The following LRRC34 variants were observed in gnomAD, a reference collection of about 807,000 sequenced individuals.
The protein encoded by LRRC34 is leucine rich repeat containing 34, also known as leucine-rich repeat-containing protein 34.
In LRRC34, 44 loss-of-function variants were observed where a neutral mutation model predicts 48.5. That is an observed-to-expected ratio of 0.91 (90% CI 0.71 to 1.17). The LOEUF is 1.17. Among genes scored for constraint, LRRC34 ranks in the 50% most tolerant of loss-of-function variants. The pLI, the probability that LRRC34 is intolerant of heterozygous loss-of-function variation, is 0.00. For missense variants in LRRC34, 502 were observed against 563.0 expected (o/e 0.89, Z 1.10); for synonymous variants, 192 against 197.6 (o/e 0.97, Z 0.24).
chr3:169,795,300 G>A (rs1289707455), intron 10 of LRRC34, 185 bp downstream of exon 10: 4 of 457,188 alleles, frequency 8.7e-6, no homozygotes, highest in Non-Finnish European at 1.5e-5. Context: ...CTAATACATA[G>A]TTTTAATATC....
chr3:169,804,650 C>G (rs1179727635), intron 5 of LRRC34, among the ~76,000 whole-genome samples: 1 of 152,168 alleles, frequency 6.6e-6, no homozygotes, highest in African/African-American at 2.4e-5. Context: ...AGATAAAAAT[C>G]TAGTTTAACA....
intron 1 of LRRC34, among the ~76,000 whole-genome samples, chr3:169,811,664 A>T (rs1779574707): frequency 6.6e-6 from 1 of 152,206 alleles, no homozygotes; most frequent in South Asian, 2.1e-4. Context: ...CCTCCAAAAC[A>T]TGCTTTTCTA....
intron 10 of LRRC34, 174 bp downstream of exon 10, chr3:169,795,311 T>A: frequency 2.0e-6 from 1 of 499,300 alleles, no homozygotes; most frequent in Non-Finnish European, 3.3e-6. Flanking sequence ...TTTTAATATC[T>A]TTGGTTATTT....
chr3:169,799,817 A>T lies in LRRC34; in HGVS notation c.753+842T>A, dbSNP rs550524944. On this transcript the variant is annotated intron_variant, in intron 7 of 10. Coordinates refer to ENST00000446859, the MANE Select transcript of LRRC34 (RefSeq NM_001172779.2). Reference sequence around the variant, plus strand: ...AACCTCTGCTTCCTGGGTTCAAGCGATTCTCCTGCCTCAGCCTCCCAAGTA... The same window carrying T: ...AACCTCTGCTTCCTGGGTTCAAGCGTTTCTCCTGCCTCAGCCTCCCAAGTA... Among the ~76,000 whole-genome samples, 5 of 152,154 alleles carry T rather than the reference A, an allele frequency of 3.3e-5. No homozygotes were observed. In the East Asian group the frequency reaches 7.8e-4, roughly 24 times the overall value.
intron 7 of LRRC34, among the ~76,000 whole-genome samples, chr3:169,800,042 TA>T (rs1026381255): frequency 1.3e-5 from 2 of 152,258 alleles, no homozygotes; most frequent in African/African-American, 2.4e-5. Flanking sequence ...TTGAACTTTA[TA>T]AAGTGCTTTG....
intron 5 of LRRC34, 47 bp from the exon 6 acceptor site, chr3:169,804,228 T>A: frequency 6.8e-7 from 1 of 1,461,246 alleles, no homozygotes; most frequent in South Asian, 1.3e-5. Context: ...TCCACAGAAT[T>A]CTATATATTA....
At chr3:169,807,368 T>A in intron 4 of LRRC34, 58 bp downstream of exon 4, 1 of 1,468,706 alleles carries the variant, frequency 6.8e-7, no homozygotes, top group Non-Finnish European at 9.5e-7. Context: ...GTGTGTGTCA[T>A]TAGACTAATT....
chr3:169,811,681 G>C (rs1423580069), intron 1 of LRRC34, among the ~76,000 whole-genome samples: 3 of 152,268 alleles, frequency 2.0e-5, no homozygotes, highest in Non-Finnish European at 4.4e-5. Context: ...TCTATACTTA[G>C]CCAAGCACTG....
intron 9 of LRRC34, 96 bp from the exon 10 acceptor site, chr3:169,795,707 TTGTAA>T: frequency 6.8e-7 from 1 of 1,460,506 alleles, no homozygotes. Context: ...CTTCAGTATG[TTGTAA>T]TGTAGTGGTA....
At chr3:169,795,413 G>C in intron 10 of LRRC34, 72 bp downstream of exon 10, 1 of 1,472,762 alleles carries the variant, frequency 6.8e-7, no homozygotes, top group African/African-American at 1.4e-5. Flanking sequence ...TGAGGCACCT[G>C]TAAATAATAT....
intron 5 of LRRC34, 149 bp downstream of exon 5, chr3:169,806,699 C>T: frequency 1.8e-6 from 1 of 549,748 alleles, no homozygotes; most frequent in Admixed American, 3.5e-5. Context: ...CATGCAATGT[C>T]TACACTTGAA....
Position 169,793,434 on chromosome 3 carries a change from T to C in LRRC34, c.*201A>G, listed in dbSNP as rs1778865921. On this transcript the variant is annotated 3_prime_UTR_variant, in exon 11 of 11. Coordinates refer to ENST00000446859, the MANE Select transcript of LRRC34 (RefSeq NM_001172779.2). ...TCTCCAGGGTTAGAATTTTAGTCTC[T>C]ATATTGTAAAATTTCTTTTAAAAAA... 5 of 466,010 alleles carry C rather than the reference T, an allele frequency of 1.1e-5. No homozygotes were observed. The highest frequency in any genetic ancestry group is 1.9e-5 in the Non-Finnish European group (5 of 267,526). 28.9% of individuals were successfully genotyped at this position (466,010 alleles called of 1,614,324 possible).
At chr3:169,796,927 A>T (rs771782398) in intron 7 of LRRC34, 28 bp from the exon 8 acceptor site, 27 of 1,480,076 alleles carry the variant, frequency 1.8e-5, no homozygotes, top group Non-Finnish European at 2.4e-5. Context: ...CTTATTTCTA[A>T]AATATAATTT....
rs1049917383 is a variant in LRRC34, at chr3:169,812,589, G to A, written c.-41C>T. On this transcript the variant is annotated 5_prime_UTR_variant, in exon 1 of 11. Coordinates refer to ENST00000446859, the MANE Select transcript of LRRC34 (RefSeq NM_001172779.2). This position sits in a 1 kb window ranked among gnomAD's most constrained non-coding sequence, Gnocchi z 4.3. ...ACTTACAGTCCGCCTGCAGCTGTGA[G>A]GCGGCTACACGAGCCTCGGCGCCAG... The A allele has an allele frequency of 2.8e-6, 4 of 1,432,500 alleles. No individual in the cohort carries two copies. Among genetic ancestry groups the A allele is most frequent in the East Asian group, 2.8e-5 (1 of 35,542 alleles). 88.7% of individuals were successfully genotyped at this position (1,432,500 alleles called of 1,614,324 possible).
chr3:169,806,054 G>A (rs1405841945), intron 5 of LRRC34, among the ~76,000 whole-genome samples: 1 of 152,274 alleles, frequency 6.6e-6, no homozygotes, highest in Non-Finnish European at 1.5e-5. Flanking sequence ...TAGTAATCAA[G>A]ATAGTGTGGT....
chr3:169,811,687 C>T (rs1779575938), intron 1 of LRRC34, among the ~76,000 whole-genome samples: 1 of 152,182 alleles, frequency 6.6e-6, no homozygotes, highest in Non-Finnish European at 1.5e-5. Flanking sequence ...CTTAGCCAAG[C>T]ACTGGGAAAT....
chr3:169,795,926 T>A (rs1778970148), intron 9 of LRRC34: 4 of 1,170,098 alleles, frequency 3.4e-6, no homozygotes, highest in Non-Finnish European at 4.2e-6. Flanking sequence ...TTTAAAAGTC[T>A]TGATCATATT....
Position 169,812,702 on chromosome 3 carries a change from G to T in LRRC34, c.-154C>A. ...ACCGCCTACTCTGTGGAGGTCCTTT[G>T]TCACCCTGCCCTGGTTAAAGGCAGC... On this transcript the variant is annotated 5_prime_UTR_variant, in exon 1 of 11. Coordinates refer to ENST00000446859, the MANE Select transcript of LRRC34 (RefSeq NM_001172779.2). The surrounding 1 kb of genome is among the most constrained non-coding windows in gnomAD (Gnocchi z 4.3). 8.7e-7 allele frequency: 1 copy of T among 1,155,422 alleles called. No homozygotes were observed. The highest frequency in any genetic ancestry group is 1.1e-6 in the Non-Finnish European group (1 of 873,970). The allele number at this position is 1,155,422 out of a possible 1,614,324, so 71.6% of individuals were successfully genotyped here. A position where few individuals can be genotyped will look rare whatever the true frequency, so the allele number is the denominator to read the frequency against.
Position 169,793,406 on chromosome 3 carries a change from CT to C in LRRC34, c.*228del, listed in dbSNP as rs1778864719. On this transcript the variant is annotated 3_prime_UTR_variant, in exon 11 of 11. Transcript: ENST00000446859. The stretch of plus-strand genomic sequence containing the variant: ...GAAATTTAGTCTAGTTCCTTGGTCT[CT>C]TTCTCCAGGGTTAGAATTTTAGTCT... The C allele has an allele frequency of 2.6e-6, 1 of 390,486 alleles. No homozygotes were observed. Among genetic ancestry groups the C allele is most frequent in the East Asian group, 4.1e-5 (1 of 24,156 alleles). The allele number at this position is 390,486 out of a possible 1,614,324, so 24.2% of individuals were successfully genotyped here. A position where few individuals can be genotyped will look rare whatever the true frequency, so the allele number is the denominator to read the frequency against.
Sources: gnomAD v4.1 joint callset for allele counts (sites outside exome capture counted in the v4.1 genomes callset) on GRCh38, gnomAD v4.1.1 for gene constraint, Gnocchi (gnomAD v3.1) non-coding constraint, MANE v1.5 for transcripts, NCBI Gene and HGNC (gene_info 2026-07-23, HGNC 2026-07-21) for gene names.